Variants in PDE9A observed in about 807,000 individuals in gnomAD.
PDE9A encodes phosphodiesterase 9A.
Under a neutral mutation model 87.4 loss-of-function variants are expected in PDE9A, and 60 were observed. The ratio of observed to expected loss-of-function variants is 0.69; its 90% CI spans 0.56 to 0.85. The LOEUF is 0.85. Among genes scored for constraint, PDE9A ranks in the 40% least tolerant of loss-of-function variants. PDE9A has a pLI of 0.00. For synonymous variants in PDE9A, 272 were observed against 279.4 expected, an observed-to-expected ratio of 0.97 and a Z score of 0.27; for missense variants, 665 against 779.0, an observed-to-expected ratio of 0.85 and a Z score of 1.74.
chr21:42,745,462 A>G (rs2053747269), intron 8 of PDE9A, among the ~76,000 whole-genome samples: 1 of 152,216 alleles, frequency 6.6e-6, no homozygotes, highest in Non-Finnish European at 1.5e-5. Flanking sequence ...GAGGCTCTTT[A>G]AAGGACGGGA....
Position 42,769,269 on chromosome 21 carries a change from GCA to G in PDE9A, c.1590+120_1590+121del, listed in dbSNP as rs1015623003. ...CAGGTACACACAGACACACACTCAT[GCA>G]CACACGTACACAGATACACACAGAC... On this transcript the variant is annotated intron_variant, in intron 17 of 19. Coordinates refer to ENST00000291539, the MANE Select transcript of PDE9A (RefSeq NM_002606.3). The G allele has an allele frequency of 4.3e-6, 4 of 934,496 alleles. No individual in the cohort carries two copies. In the East Asian group the frequency reaches 1.0e-4, roughly 24 times the overall value. The allele number at this position is 934,496 out of a possible 1,614,324, so 57.9% of individuals were successfully genotyped here. A position where few individuals can be genotyped will look rare whatever the true frequency, so the allele number is the denominator to read the frequency against.
chr21:42,760,507 GC>G lies in PDE9A; in HGVS notation c.1002+79del. The G allele has an allele frequency of 2.2e-6, 2 of 915,036 alleles. No homozygotes were observed. The highest frequency in any genetic ancestry group is 3.4e-6 in the Non-Finnish European group (2 of 582,658). 56.7% of individuals were successfully genotyped at this position (915,036 alleles called of 1,614,324 possible). Reference sequence around the variant, plus strand: ...GGAGGCCCCCTTCCAGGGAGCGGCAGCCCCATCCCACCAAGAGAGCCACAGG... The same window carrying G: ...GGAGGCCCCCTTCCAGGGAGCGGCAGCCCATCCCACCAAGAGAGCCACAGG... On this transcript the variant is annotated intron_variant, in intron 12 of 19. Transcript: ENST00000291539. This position sits in a 1 kb window ranked among gnomAD's most constrained non-coding sequence, Gnocchi z 5.2.
intron 17 of PDE9A, 80 bp from the exon 18 acceptor site, chr21:42,770,623 A>T: frequency 9.2e-7 from 1 of 1,087,022 alleles, no homozygotes; most frequent in South Asian, 1.3e-5. Context: ...CGCACGGAGC[A>T]CCTGACACCT....
At chr21:42,774,881 CAA>C (rs371603677) in intron 19 of PDE9A, among the ~76,000 whole-genome samples, 7 of 112,346 alleles carry the variant, frequency 6.2e-5, no homozygotes, top group Non-Finnish European at 5.3e-5. Flanking sequence ...GACTCCATCT[CAA>C]AAAAAAAAAA....
chr21:42,670,229 T>A (rs1292988356), intron 1 of PDE9A, among the ~76,000 whole-genome samples: 1 of 61,516 alleles, frequency 1.6e-5, no homozygotes, highest in Non-Finnish European at 2.7e-5. Context: ...ACACATACAC[T>A]TACATTCACA....
intron 4 of PDE9A, among the ~76,000 whole-genome samples, chr21:42,703,497 C>T (rs565431282): frequency 5.3e-4 from 81 of 152,342 alleles, no homozygotes; most frequent in South Asian, 2.9e-3. Flanking sequence ...TGCTGCAGGG[C>T]TCTCGCAGGC....
chr21:42,733,330 C>T (rs775953900), intron 6 of PDE9A, 26 bp from the exon 7 acceptor site: 7 of 1,390,952 alleles, frequency 5.0e-6, no homozygotes, highest in Non-Finnish European at 7.2e-6. Context: ...GTCATATTTA[C>T]TCTCTCTTTT....
chr21:42,681,841 C>CT (rs890868216), intron 1 of PDE9A, among the ~76,000 whole-genome samples: 4 of 152,198 alleles, frequency 2.6e-5, no homozygotes, highest in African/African-American at 9.7e-5. Flanking sequence ...ATTTTATCAA[C>CT]TTTTTTTGCA....
At chr21:42,717,300 T>A (rs1417871496) in intron 4 of PDE9A, among the ~76,000 whole-genome samples, 1 of 138,746 alleles carries the variant, frequency 7.2e-6, no homozygotes, top group African/African-American at 2.7e-5. Flanking sequence ...ATGCCTTTTT[T>A]TTTTTTTTTT....
chr21:42,745,738 C>G (rs1482583416), intron 8 of PDE9A, among the ~76,000 whole-genome samples: 1 of 152,244 alleles, frequency 6.6e-6, no homozygotes, highest in Non-Finnish European at 1.5e-5. Flanking sequence ...TGGCAGGGTT[C>G]CCCTCTGCCC....
Position 42,731,984 on chromosome 21 carries a change from C to G in PDE9A, c.442+35C>G, listed in dbSNP as rs750676588. ...AGCTCCTCGGCCACAGCCTCCACCC[C>G]CCAACACGTGGGATTCGGGCTGCAA... On this transcript the variant is annotated intron_variant, in intron 5 of 19. Coordinates refer to ENST00000291539, the MANE Select transcript of PDE9A (RefSeq NM_002606.3). 4.3e-6 allele frequency: 7 copies of G among 1,612,174 alleles called. No individual in the cohort carries two copies. In the African/African-American group the frequency reaches 6.7e-5, roughly 15 times the overall value.
chr21:42,717,272 G>T (rs2050019476), intron 4 of PDE9A, among the ~76,000 whole-genome samples: 2 of 143,584 alleles, frequency 1.4e-5, no homozygotes, highest in Admixed American at 6.9e-5. Context: ...AATTCTCTCA[G>T]CTTTTGCTGA....
At chr21:42,751,234 G>C (rs768136115) in intron 9 of PDE9A, 37 bp downstream of exon 9, 23 of 1,446,764 alleles carry the variant, frequency 1.6e-5, no homozygotes, top group Non-Finnish European at 2.0e-5. Flanking sequence ...AGCTGCAGCT[G>C]TGTCCCCAGC....
At chr21:42,762,648 T>G (rs892040708) in intron 14 of PDE9A, among the ~76,000 whole-genome samples, 1 of 152,144 alleles carries the variant, frequency 6.6e-6, no homozygotes, top group Non-Finnish European at 1.5e-5. Flanking sequence ...TAACCCCAGC[T>G]GCTGTCACCT....
chr21:42,654,292 C>T (rs1391696600), intron 1 of PDE9A, among the ~76,000 whole-genome samples: 2 of 152,126 alleles, frequency 1.3e-5, no homozygotes, highest in Non-Finnish European at 2.9e-5. Flanking sequence ...GGGGCGCCGG[C>T]GGGGACACTG....
rs551761245 is a variant in PDE9A, at chr21:42,674,870, C to T, written c.70-11322C>T. On this transcript the variant is annotated intron_variant, in intron 1 of 19. Transcript: ENST00000291539. ...TTCTCCCATGAGAATTTTATGTAAA[C>T]GCAGTGCAGCATGCTCGTAGGCTGG... 6.6e-5 allele frequency among the ~76,000 whole-genome samples: 10 copies of T among 152,204 alleles called. No homozygotes were observed. In the South Asian group the frequency reaches 1.7e-3, roughly 25 times the overall value.
intron 13 of PDE9A, among the ~76,000 whole-genome samples, 188 bp downstream of exon 13, chr21:42,761,095 G>A (rs1433298082): frequency 6.6e-6 from 1 of 151,414 alleles, no homozygotes; most frequent in African/African-American, 2.4e-5. Flanking sequence ...GGTCTCCCCG[G>A]AGTAGGAACT....
intron 4 of PDE9A, among the ~76,000 whole-genome samples, chr21:42,725,390 C>T (rs757281904): frequency 2.3e-4 from 35 of 152,092 alleles, no homozygotes; most frequent in Non-Finnish European, 3.4e-4. Context: ...CAGGCATGCA[C>T]CATCATGCCT....
chr21:42,740,755 GGATA>G (rs58917556), intron 7 of PDE9A, among the ~76,000 whole-genome samples: 9,906 of 140,032 alleles, frequency 0.071, 350 homozygotes, highest in Middle Eastern at 0.12. Context: ...TAGATAAACA[GGATA>G]GATAGATAGA....
Sources: allele counts gnomAD v4.1 joint callset (sites outside exome capture counted in the v4.1 genomes callset), GRCh38; gene constraint gnomAD v4.1.1; non-coding constraint Gnocchi (gnomAD v3.1); transcripts MANE v1.5; gene names NCBI Gene and HGNC (gene_info 2026-07-23, HGNC 2026-07-21).